The following TFDP2 variants were observed in gnomAD, a reference collection of about 807,000 sequenced individuals.
TFDP2 encodes transcription factor Dp-2, also known as transcription factor Dp-2 (E2F dimerization partner 2).
Under a neutral mutation model 59.3 loss-of-function variants are expected in TFDP2, and 17 were observed. That is an observed-to-expected ratio of 0.29 (90% CI 0.20 to 0.43). The LOEUF (loss-of-function observed/expected upper bound fraction) is 0.43, where lower values mean the gene tolerates loss of function less well. Ranked by LOEUF, TFDP2 falls within the 20% of genes least tolerant of loss-of-function variation. The pLI, the probability that TFDP2 is intolerant of heterozygous loss-of-function variation, is 1.00. For missense variants in TFDP2, 391 were observed against 528.8 expected, an observed-to-expected ratio of 0.74 and a Z score of 2.56; for synonymous variants, 180 against 194.7, an observed-to-expected ratio of 0.92 and a Z score of 0.63.
chr3:142,051,119 T>C (rs1446479405), intron 3 of TFDP2, among the ~76,000 whole-genome samples: 1 of 152,176 alleles, frequency 6.6e-6, no homozygotes. Flanking sequence ...ACTACTGACA[T>C]TTTGGACCAG....
At chr3:142,002,309 T>TC (rs1943852054) in intron 4 of TFDP2, among the ~76,000 whole-genome samples, 1 of 145,984 alleles carries the variant, frequency 6.9e-6, no homozygotes, top group East Asian at 2.0e-4. Flanking sequence ...TAATTTTTTA[T>TC]TTTTAGTGTT....
At chr3:141,977,516 T>A (rs1446280605) in intron 7 of TFDP2, among the ~76,000 whole-genome samples, 1 of 152,136 alleles carries the variant, frequency 6.6e-6, no homozygotes, top group Non-Finnish European at 1.5e-5. Context: ...CACTTGAACC[T>A]GGGAAGTAGA....
At chr3:142,046,965 T>C (rs1385457284) in intron 3 of TFDP2, among the ~76,000 whole-genome samples, 1 of 152,186 alleles carries the variant, frequency 6.6e-6, no homozygotes, top group African/African-American at 2.4e-5. Flanking sequence ...AGCAGATAAG[T>C]GGAAGCAATA....
intron 3 of TFDP2, among the ~76,000 whole-genome samples, chr3:142,032,103 T>C (rs1362321314): frequency 6.6e-6 from 1 of 151,838 alleles, no homozygotes; most frequent in Non-Finnish European, 1.5e-5. Context: ...TCTCTCTCTT[T>C]TTTTTTTAAG....
chr3:142,008,150 G>A (rs77981379), intron 3 of TFDP2, among the ~76,000 whole-genome samples: 2,003 of 152,158 alleles, frequency 0.013, 45 homozygotes, highest in African/African-American at 0.046. Context: ...TCCTAGAGCT[G>A]CTGATATAAT....
At chr3:142,057,181 G>A (rs917016271) in intron 3 of TFDP2, among the ~76,000 whole-genome samples, 2 of 152,152 alleles carry the variant, frequency 1.3e-5, no homozygotes, top group African/African-American at 4.8e-5. Context: ...CCACCAGCAG[G>A]AGGTCTGAAT....
At chr3:141,980,070 C>A (rs771258736) in intron 6 of TFDP2, among the ~76,000 whole-genome samples, 1 of 151,136 alleles carries the variant, frequency 6.6e-6, no homozygotes, top group Non-Finnish European at 1.5e-5. Flanking sequence ...CACCATGCCT[C>A]GCTAATTTCT....
intron 3 of TFDP2, among the ~76,000 whole-genome samples, chr3:142,019,053 A>ATTTTTT (rs62999460): frequency 1.2e-4 from 17 of 140,312 alleles, no homozygotes; most frequent in Non-Finnish European, 2.3e-4. Context: ...TTCTTCGCAC[A>ATTTTTT]TTTTTTTTTT....
chr3:142,103,439 C>T (rs1417812427), intron 1 of TFDP2, among the ~76,000 whole-genome samples: 1 of 151,834 alleles, frequency 6.6e-6, no homozygotes, highest in Non-Finnish European at 1.5e-5. Flanking sequence ...GATCAATGAA[C>T]TTGGAGTTTT....
At chr3:142,005,943 T>C (rs1440343324) in intron 3 of TFDP2, among the ~76,000 whole-genome samples, 1 of 152,146 alleles carries the variant, frequency 6.6e-6, no homozygotes, top group Admixed American at 6.6e-5. Flanking sequence ...TACTTGATGA[T>C]GAAACATAAC....
At chr3:142,124,946 A>G (rs2062182251) in intron 1 of TFDP2, among the ~76,000 whole-genome samples, 1 of 152,206 alleles carries the variant, frequency 6.6e-6, no homozygotes, top group Non-Finnish European at 1.5e-5. Context: ...CTGTAACTCC[A>G]GTGCTCTGGG....
intron 6 of TFDP2, among the ~76,000 whole-genome samples, chr3:141,981,841 G>A (rs1023454292): frequency 1.3e-5 from 2 of 152,000 alleles, no homozygotes; most frequent in Admixed American, 6.6e-5. Flanking sequence ...CTGGAGCTGT[G>A]GTAGGGCAGG....
At chr3:142,051,728 G>A (rs776001507) in intron 3 of TFDP2, among the ~76,000 whole-genome samples, 2 of 152,100 alleles carry the variant, frequency 1.3e-5, no homozygotes, top group Non-Finnish European at 2.9e-5. Flanking sequence ...CAATTCTATG[G>A]GAAATGATAA....
chr3:142,058,462 G>A (rs1576863991), intron 3 of TFDP2, among the ~76,000 whole-genome samples: 1 of 151,812 alleles, frequency 6.6e-6, no homozygotes, highest in Non-Finnish European at 1.5e-5. Context: ...AGTCCCATAA[G>A]ACTGCCTGCC....
At chr3:142,103,006 C>T (rs1336444528) in intron 1 of TFDP2, among the ~76,000 whole-genome samples, 1 of 152,074 alleles carries the variant, frequency 6.6e-6, no homozygotes, top group African/African-American at 2.4e-5. Context: ...GAGGCTGAGG[C>T]GAGTGGATCA....
At chr3:142,057,552 C>G (rs969763332) in intron 3 of TFDP2, among the ~76,000 whole-genome samples, 1 of 152,156 alleles carries the variant, frequency 6.6e-6, no homozygotes, top group Non-Finnish European at 1.5e-5. Flanking sequence ...AACTGGGAAG[C>G]TATGAACTGT....
intron 3 of TFDP2, among the ~76,000 whole-genome samples, chr3:142,024,123 A>G (rs1945880335): frequency 6.6e-6 from 1 of 152,214 alleles, no homozygotes; most frequent in East Asian, 1.9e-4. Flanking sequence ...ACTTTTATAA[A>G]TAAGTTCTAC....
chr3:142,093,430 GACAGAGTGA>G (rs1464596995), intron 2 of TFDP2, among the ~76,000 whole-genome samples: 1 of 151,198 alleles, frequency 6.6e-6, no homozygotes, highest in Non-Finnish European at 1.5e-5. Context: ...CAGCCTGGAT[GACAGAGTGA>G]GACCCTGTCT....
At chr3:141,968,205 A>T (rs1213089165) in intron 9 of TFDP2, among the ~76,000 whole-genome samples, 1 of 143,410 alleles carries the variant, frequency 7.0e-6, no homozygotes, top group Non-Finnish European at 1.5e-5. Context: ...TTTTTTTTTT[A>T]AAGCTGCACA....
Sources: allele counts gnomAD v4.1 joint callset (sites outside exome capture counted in the v4.1 genomes callset), GRCh38; gene constraint gnomAD v4.1.1; transcripts MANE v1.5; gene names NCBI Gene and HGNC (gene_info 2026-07-23, HGNC 2026-07-21).